The following MACROH2A1 variants were observed in gnomAD, a reference collection of about 807,000 sequenced individuals.
The protein encoded by MACROH2A1 is core histone macro-H2A.1.
In MACROH2A1, 2 loss-of-function variants were observed where a neutral mutation model predicts 31.6. That is an observed-to-expected ratio of 0.06 (90% CI 0.03 to 0.20). MACROH2A1 has a LOEUF of 0.20. Among genes scored for constraint, MACROH2A1 ranks in the 10% least tolerant of loss-of-function variants. The pLI is 1.00. For missense variants in MACROH2A1, 230 were observed against 474.0 expected (o/e 0.49, Z 4.78); for synonymous variants, 169 against 189.6 (o/e 0.89, Z 0.89).
At chr5:135,375,817 C>T (rs992973176) in intron 2 of MACROH2A1, among the ~76,000 whole-genome samples, 4 of 152,206 alleles carry the variant, frequency 2.6e-5, no homozygotes, top group Non-Finnish European at 4.4e-5. Context: ...GTATTTCTTT[C>T]GATTCATCAT....
chr5:135,354,875 CCACA>C (rs1378451247), intron 5 of MACROH2A1: 2 of 362,188 alleles, frequency 5.5e-6, no homozygotes, highest in Non-Finnish European at 1.1e-5. Context: ...AAAACACACC[CCACA>C]CAGTGTGAAG....
chr5:135,387,481 T>C (rs1361839711), intron 2 of MACROH2A1, among the ~76,000 whole-genome samples: 1 of 152,152 alleles, frequency 6.6e-6, no homozygotes, highest in South Asian at 2.1e-4. Flanking sequence ...CGCTGCCTGG[T>C]TGTATCGCTT....
At chr5:135,347,154 C>T (rs1760942720) in intron 6 of MACROH2A1, 1 of 152,200 alleles carries the variant, frequency 6.6e-6, no homozygotes, top group African/African-American at 2.4e-5. Flanking sequence ...CATCGGAATG[C>T]ACCAGCCCAA....
Position 135,346,219 on chromosome 5 carries a change from A to T in MACROH2A1, c.689-162T>A, listed in dbSNP as rs977528162. On this transcript the variant is annotated intron_variant, in intron 6 of 8. Coordinates refer to ENST00000511689, the MANE Select transcript of MACROH2A1 (RefSeq NM_138610.3). ...GCTAAGTTAATAAAGTAAAATTGAG[A>T]AGGGCTTTGTCATCACCAGTTACTA... The T allele has an allele frequency of 5.0e-5, 31 of 620,186 alleles. No individual in the cohort carries two copies. In the South Asian group the frequency reaches 5.8e-4, roughly 12 times the overall value. 38.4% of individuals were successfully genotyped at this position (620,186 alleles called of 1,614,324 possible).
In MACROH2A1 at chr5:135,360,601, GCTT is replaced by G; in HGVS notation, c.481_483del (p.Lys161del). 5.0e-6 allele frequency: 8 copies of G among 1,610,386 alleles called. No individual in the cohort carries two copies. The highest frequency in any genetic ancestry group is 1.7e-5 in the Admixed American group (1 of 59,988). ...CTGGCTGCCTTACTGACTTCACCCTGCTTCTTCTTGCACAGACGGAAGGGTCAG... is the reference window on the plus strand; with the variant it reads ...CTGGCTGCCTTACTGACTTCACCCTGCTTCTTGCACAGACGGAAGGGTCAG... On this transcript the variant is annotated inframe_deletion, in exon 5 of 9. Coordinates refer to ENST00000511689, the MANE Select transcript of MACROH2A1 (RefSeq NM_138610.3).
Position 135,350,754 on chromosome 5 carries a change from G to C in MACROH2A1, c.688+2192C>G, listed in dbSNP as rs557328531. Reference sequence around the variant, plus strand: ...ATGCAGCCCTGCATAGCTGTCAAAGGATCAAGCTGTCTGCAGCGGCCGACT... The same window carrying C: ...ATGCAGCCCTGCATAGCTGTCAAAGCATCAAGCTGTCTGCAGCGGCCGACT... On this transcript the variant is annotated intron_variant, in intron 6 of 8. Coordinates refer to ENST00000511689, the MANE Select transcript of MACROH2A1 (RefSeq NM_138610.3). 16 of 897,946 alleles carry C rather than the reference G, an allele frequency of 1.8e-5. No homozygotes were observed. The South Asian group carries it at 2.2e-4, about 12-fold the overall frequency. The allele number at this position is 897,946 out of a possible 1,614,324, so 55.6% of individuals were successfully genotyped here.
At chr5:135,384,502 C>A (rs1766124725) in intron 2 of MACROH2A1, among the ~76,000 whole-genome samples, 1 of 152,230 alleles carries the variant, frequency 6.6e-6, no homozygotes, top group African/African-American at 2.4e-5. Context: ...CCTGCTTCTT[C>A]CCCAGGTCAG....
chr5:135,363,292 C>G (rs955951537), intron 4 of MACROH2A1, among the ~76,000 whole-genome samples: 1 of 152,176 alleles, frequency 6.6e-6, no homozygotes, highest in East Asian at 1.9e-4. Context: ...AGAGACAAGC[C>G]ATCACTGCCT....
chr5:135,383,700 G>GGTGTGT (rs61338247), intron 2 of MACROH2A1, among the ~76,000 whole-genome samples: 3,866 of 137,128 alleles, frequency 0.028, 88 homozygotes, highest in Admixed American at 0.055. Flanking sequence ...GATGTGGTGT[G>GGTGTGT]GTGTGTGTGT....
intron 2 of MACROH2A1, among the ~76,000 whole-genome samples, chr5:135,381,083 G>A (rs75075079): frequency 6.6e-6 from 1 of 152,314 alleles, no homozygotes; most frequent in Non-Finnish European, 1.5e-5. Flanking sequence ...ATTGTATCTA[G>A]AAATTTCATG....
At chr5:135,338,356 A>T (rs577778872) in intron 8 of MACROH2A1, among the ~76,000 whole-genome samples, 4 of 152,336 alleles carry the variant, frequency 2.6e-5, no homozygotes, top group African/African-American at 9.6e-5. Context: ...AGAGTCTGGG[A>T]CAAGAAAATG....
intron 8 of MACROH2A1, among the ~76,000 whole-genome samples, chr5:135,337,211 C>T (rs561583059): frequency 7.9e-5 from 12 of 152,348 alleles, no homozygotes; most frequent in African/African-American, 2.2e-4. Flanking sequence ...TCAGGTGGCC[C>T]GATGTTCTGC....
chr5:135,380,573 C>T (rs920463786), intron 2 of MACROH2A1, among the ~76,000 whole-genome samples: 1 of 152,104 alleles, frequency 6.6e-6, no homozygotes, highest in Non-Finnish European at 1.5e-5. Flanking sequence ...TCAGGCTGGG[C>T]CCAGGATCCA....
At chr5:135,367,355 C>A (rs1355314741) in intron 4 of MACROH2A1, among the ~76,000 whole-genome samples, 3 of 152,170 alleles carry the variant, frequency 2.0e-5, no homozygotes, top group Non-Finnish European at 2.9e-5. Flanking sequence ...GAAAAACAGA[C>A]CACCATAACA....
chr5:135,361,130 A>T (rs1762794758), intron 4 of MACROH2A1: 2 of 238,804 alleles, frequency 8.4e-6, no homozygotes, highest in African/African-American at 4.7e-5. Flanking sequence ...GCTGTGATGA[A>T]CCATCTGTCT....
At chr5:135,375,922 G>A (rs1252073791) in intron 2 of MACROH2A1, among the ~76,000 whole-genome samples, 1 of 152,166 alleles carries the variant, frequency 6.6e-6, no homozygotes, top group African/African-American at 2.4e-5. Flanking sequence ...ACTGCTAAGA[G>A]CTTCCTGCAT....
intron 1 of MACROH2A1, among the ~76,000 whole-genome samples, chr5:135,390,027 A>G (rs1029355492): frequency 6.6e-6 from 1 of 152,230 alleles, no homozygotes; most frequent in African/African-American, 2.4e-5. Flanking sequence ...GTAATGCCCT[A>G]GAAATCTAGG....
chr5:135,395,465 C>A (rs966548177), intron 1 of MACROH2A1, among the ~76,000 whole-genome samples: 2 of 152,300 alleles, frequency 1.3e-5, no homozygotes, highest in African/African-American at 4.8e-5. Flanking sequence ...GGAAGAACCA[C>A]GCCATCCATT....
At chr5:135,357,357 G>C (rs904893875) in intron 5 of MACROH2A1, 1 of 152,226 alleles carries the variant, frequency 6.6e-6, no homozygotes, top group Non-Finnish European at 1.5e-5. Context: ...TCTCCTCACT[G>C]ATGCTTCAAC....
Sources: gnomAD v4.1 joint callset for allele counts (sites outside exome capture counted in the v4.1 genomes callset) on GRCh38, gnomAD v4.1.1 for gene constraint, MANE v1.5 for transcripts, NCBI Gene and HGNC (gene_info 2026-07-23, HGNC 2026-07-21) for gene names.